EEIG1: variants seen among roughly 807,000 people sequenced by gnomAD.
EEIG1 encodes estrogen-induced osteoclastogenesis regulator 1, also known as early estrogen-induced gene 1 protein.
At chr9:127,956,736 A>G in the EEIG1 span, among the ~76,000 whole-genome samples, 1 of 142,042 alleles carries the variant, frequency 7.0e-6, no homozygotes, top group African/African-American at 2.7e-5. Flanking sequence ...ATTATTTGAG[A>G]CAGAGTCTCA....
At chr9:127,958,324 G>A in the EEIG1 span, among the ~76,000 whole-genome samples, 1 of 152,312 alleles carries the variant, frequency 6.6e-6, no homozygotes, top group Non-Finnish European at 1.5e-5. Context: ...AATACCAGAA[G>A]TACATGTGAT....
the EEIG1 span, among the ~76,000 whole-genome samples, chr9:127,961,018 G>A: frequency 6.6e-6 from 1 of 151,942 alleles, no homozygotes; most frequent in Non-Finnish European, 1.5e-5. Context: ...CCTCCTGAGG[G>A]CCTACTGTGT....
chr9:127,971,102 T>C, the EEIG1 span, among the ~76,000 whole-genome samples: 1 of 151,970 alleles, frequency 6.6e-6, no homozygotes, highest in African/African-American at 2.4e-5. Context: ...TGGTGAGAGG[T>C]AAGAGTGTTT....
the EEIG1 span, among the ~76,000 whole-genome samples, chr9:127,970,795 C>T: frequency 1.3e-5 from 2 of 151,358 alleles, no homozygotes; most frequent in South Asian, 2.1e-4. Flanking sequence ...TCAGCACGCT[C>T]GCCCTTGCCG....
At chr9:127,973,387 A>G in the EEIG1 span, among the ~76,000 whole-genome samples, 1 of 152,184 alleles carries the variant, frequency 6.6e-6, no homozygotes, top group Non-Finnish European at 1.5e-5. This position sits in a 1 kb window ranked among gnomAD's most constrained non-coding sequence, Gnocchi z 4.2. Context: ...TCAGGCACAT[A>G]ATGTGGTTGC....
the EEIG1 span, among the ~76,000 whole-genome samples, chr9:127,974,783 C>T: frequency 6.6e-6 from 1 of 152,216 alleles, no homozygotes; most frequent in Non-Finnish European, 1.5e-5. Flanking sequence ...GCTGTCTAAT[C>T]ATGATCACCT....
chr9:127,943,039 A>T, the EEIG1 span: 1 of 704,274 alleles, frequency 1.4e-6, no homozygotes, highest in Non-Finnish European at 2.5e-6. Context: ...GGGCAATGGA[A>T]TGATGCTACG....
At chr9:127,971,100 G>A in the EEIG1 span, among the ~76,000 whole-genome samples, 1 of 152,182 alleles carries the variant, frequency 6.6e-6, no homozygotes. Flanking sequence ...AGTGGTGAGA[G>A]GTAAGAGTGT....
chr9:127,973,857 C>T, the EEIG1 span, among the ~76,000 whole-genome samples: 2 of 152,188 alleles, frequency 1.3e-5, no homozygotes, highest in African/African-American at 4.8e-5. This position sits in a 1 kb window ranked among gnomAD's most constrained non-coding sequence, Gnocchi z 4.2. Context: ...AGGCAGCACA[C>T]ATCAGACATC....
the EEIG1 span, among the ~76,000 whole-genome samples, chr9:127,946,428 G>A: frequency 2.6e-5 from 4 of 152,198 alleles, no homozygotes; most frequent in African/African-American, 7.2e-5. Context: ...CTGCCTTCCC[G>A]CCCAACACAC....
chr9:127,947,939 G>T, the EEIG1 span: 1 of 1,039,504 alleles, frequency 9.6e-7, no homozygotes, highest in Non-Finnish European at 1.4e-6. Flanking sequence ...CATCAGCCCA[G>T]CAGGAGCATG....
the EEIG1 span, among the ~76,000 whole-genome samples, chr9:127,963,364 G>A: frequency 6.6e-6 from 1 of 152,278 alleles, no homozygotes; most frequent in Non-Finnish European, 1.5e-5. Context: ...AGACAGTGAT[G>A]AACGGCCCTC....
the EEIG1 span, among the ~76,000 whole-genome samples, chr9:127,963,406 C>G: frequency 6.6e-6 from 1 of 152,230 alleles, no homozygotes; most frequent in South Asian, 2.1e-4. Context: ...GTGCTTCCCC[C>G]GCTCCCCGCT....
the EEIG1 span, among the ~76,000 whole-genome samples, chr9:127,973,147 T>C: frequency 6.6e-6 from 1 of 152,130 alleles, no homozygotes; most frequent in Non-Finnish European, 1.5e-5. This position sits in a 1 kb window ranked among gnomAD's most constrained non-coding sequence, Gnocchi z 4.2. Context: ...GTGCTTAAGA[T>C]ATTACTGCCT....
the EEIG1 span, among the ~76,000 whole-genome samples, chr9:127,949,097 C>T: frequency 6.6e-6 from 1 of 152,114 alleles, no homozygotes; most frequent in South Asian, 2.1e-4. Context: ...GGGCAGATCA[C>T]GAGGTCAGGG....
the EEIG1 span, among the ~76,000 whole-genome samples, chr9:127,945,110 G>GT: frequency 2.6e-4 from 39 of 152,286 alleles, no homozygotes; most frequent in African/African-American, 7.9e-4. The surrounding 1 kb of genome is among the most constrained non-coding windows in gnomAD (Gnocchi z 6.5). Flanking sequence ...CAATGAGCAG[G>GT]TAAGTCAGCT....
the EEIG1 span, among the ~76,000 whole-genome samples, chr9:127,978,880 G>A: frequency 1.3e-5 from 2 of 152,012 alleles, no homozygotes; most frequent in African/African-American, 4.8e-5. Context: ...AGCTGGGTGT[G>A]GTGGTTGGCA....
At chr9:127,956,732 T>TTA in the EEIG1 span, among the ~76,000 whole-genome samples, 2 of 149,410 alleles carry the variant, frequency 1.3e-5, no homozygotes, top group African/African-American at 2.5e-5. Context: ...TATTATTATT[T>TTA]GAGACAGAGT....
chr9:127,978,950 G>A, the EEIG1 span, among the ~76,000 whole-genome samples: 1 of 152,138 alleles, frequency 6.6e-6, no homozygotes, highest in Non-Finnish European at 1.5e-5. Context: ...CCGGGAGGTA[G>A]AGGTTGCAGT....
Sources: allele counts gnomAD v4.1 joint callset (sites outside exome capture counted in the v4.1 genomes callset), GRCh38; gene constraint gnomAD v4.1.1; non-coding constraint Gnocchi (gnomAD v3.1); transcripts MANE v1.5; gene names NCBI Gene and HGNC (gene_info 2026-07-23, HGNC 2026-07-21).